MAGI2: variants seen among roughly 807,000 people sequenced by gnomAD.
MAGI2 encodes membrane-associated guanylate kinase, WW and PDZ domain-containing protein 2.
In MAGI2, 35 loss-of-function variants were observed where a neutral mutation model predicts 133.3. The ratio of observed to expected loss-of-function variants is 0.26; its 90% CI spans 0.20 to 0.35. The LOEUF is 0.35. MAGI2 is among the 10% of genes least tolerant of loss of function. The pLI, the probability that MAGI2 is intolerant of heterozygous loss-of-function variation, is 1.00. For synonymous variants in MAGI2, 729 were observed against 710.6 expected (o/e 1.03, Z -0.41); for missense variants, 1,636 against 1,863.4 (o/e 0.88, Z 2.25).
chr7:79,162,947 T>C (rs1824513959), intron 1 of MAGI2, among the ~76,000 whole-genome samples: 1 of 152,020 alleles, frequency 6.6e-6, no homozygotes, highest in Non-Finnish European at 1.5e-5. Flanking sequence ...TCCACATCCA[T>C]TCCTATCTGG....
In MAGI2 at chr7:79,249,402, GA is replaced by G. The variant is rs955151587; in HGVS notation, c.301+203617del. Among the ~76,000 whole-genome samples, 1,301 of 146,382 alleles carry G rather than the reference GA, an allele frequency of 8.9e-3. 18 individuals are homozygous for G. The highest frequency in any genetic ancestry group is 0.03 in the African/African-American group (1,207 of 40,048). On this transcript the variant is annotated intron_variant, in intron 1 of 21. Coordinates refer to ENST00000354212, the MANE Select transcript of MAGI2 (RefSeq NM_012301.4). ...ACAAAATTTTAGCGAGACTAGCTAA[GA>G]AAAAAAAAGAGAAAAAGATTTAAAT...
chr7:79,162,822 T>C (rs1824501191), intron 1 of MAGI2, among the ~76,000 whole-genome samples: 1 of 152,084 alleles, frequency 6.6e-6, no homozygotes, highest in Non-Finnish European at 1.5e-5. Flanking sequence ...AAACCAAACT[T>C]ACAGTAGCTC....
chr7:78,803,131 G>A (rs1414056769), intron 2 of MAGI2, among the ~76,000 whole-genome samples: 2 of 152,018 alleles, frequency 1.3e-5, no homozygotes, highest in African/African-American at 2.4e-5. Flanking sequence ...TTACATGTGC[G>A]ATTTGAAAAT....
At chr7:79,320,923 T>C (rs952895600) in intron 1 of MAGI2, among the ~76,000 whole-genome samples, 1 of 152,128 alleles carries the variant, frequency 6.6e-6, no homozygotes, top group Non-Finnish European at 1.5e-5. Flanking sequence ...AAAGTTCTTA[T>C]AACAAAAACT....
intron 1 of MAGI2, among the ~76,000 whole-genome samples, chr7:79,187,292 T>A (rs1444605591): frequency 2.0e-5 from 3 of 151,788 alleles, no homozygotes; most frequent in Admixed American, 2.0e-4. Context: ...AAGCAAAAGT[T>A]ATAGAGCATT....
intron 1 of MAGI2, among the ~76,000 whole-genome samples, chr7:79,256,486 C>CTCT (rs1246315146): frequency 4.2e-4 from 35 of 82,784 alleles, no homozygotes; most frequent in Non-Finnish European, 7.0e-4. Context: ...CTCTCTCTCT[C>CTCT]TTTTTTTTTT....
chr7:78,448,844 G>T (rs897493557), intron 6 of MAGI2, among the ~76,000 whole-genome samples: 3 of 152,002 alleles, frequency 2.0e-5, no homozygotes, highest in African/African-American at 7.2e-5. Context: ...AACTCAACAT[G>T]AAGAGGTTAG....
intron 2 of MAGI2, among the ~76,000 whole-genome samples, chr7:78,947,200 G>T (rs1326869703): frequency 3.9e-5 from 6 of 151,952 alleles, no homozygotes; most frequent in Non-Finnish European, 7.4e-5. Context: ...TAATAAGGAT[G>T]GAGCGTTCAC....
At chr7:79,222,949 G>A (rs1412130277) in intron 1 of MAGI2, among the ~76,000 whole-genome samples, 1 of 151,898 alleles carries the variant, frequency 6.6e-6, no homozygotes, top group Admixed American at 6.6e-5. Context: ...CAGTGGCGCT[G>A]TCTCGGCTCA....
At chr7:78,397,693 C>T (rs1796484846) in intron 6 of MAGI2, among the ~76,000 whole-genome samples, 1 of 152,052 alleles carries the variant, frequency 6.6e-6, no homozygotes, top group African/African-American at 2.4e-5. Context: ...TTACAGACTT[C>T]TAAGATTGAG....
intron 9 of MAGI2, among the ~76,000 whole-genome samples, chr7:78,339,107 T>C (rs945561731): frequency 1.3e-5 from 2 of 152,260 alleles, no homozygotes; most frequent in East Asian, 1.9e-4. Context: ...TACGTGTTTA[T>C]GGGCCTGTGG....
intron 1 of MAGI2, among the ~76,000 whole-genome samples, chr7:79,444,202 A>G (rs1848688380): frequency 6.6e-6 from 1 of 152,220 alleles, no homozygotes; most frequent in Non-Finnish European, 1.5e-5. Context: ...CCCACAGTCA[A>G]TATCATACTG....
chr7:78,039,335 C>G (rs553307884), intron 21 of MAGI2, among the ~76,000 whole-genome samples: 1 of 152,340 alleles, frequency 6.6e-6, no homozygotes, highest in African/African-American at 2.4e-5. Flanking sequence ...CAGTGTGGGG[C>G]TGGTTCTGGG....
chr7:79,321,167 C>T (rs1174286696), intron 1 of MAGI2, among the ~76,000 whole-genome samples: 1 of 152,094 alleles, frequency 6.6e-6, no homozygotes, highest in Non-Finnish European at 1.5e-5. Flanking sequence ...TTTATATTCA[C>T]TTAATAACAC....
chr7:78,526,593 G>A (rs1796973476), intron 3 of MAGI2, among the ~76,000 whole-genome samples: 1 of 152,138 alleles, frequency 6.6e-6, no homozygotes. Flanking sequence ...CAAAATAAGA[G>A]AGAAAGTCAT....
chr7:78,787,668 T>C (rs1044171707), intron 2 of MAGI2, among the ~76,000 whole-genome samples: 1 of 152,198 alleles, frequency 6.6e-6, no homozygotes, highest in African/African-American at 2.4e-5. Flanking sequence ...TAATATCACT[T>C]ATATAGTTAT....
At chr7:79,093,660 G>A (rs1047349360) in intron 1 of MAGI2, among the ~76,000 whole-genome samples, 1 of 150,448 alleles carries the variant, frequency 6.6e-6, no homozygotes, top group African/African-American at 2.5e-5. Context: ...TTTGGGTGCT[G>A]TGGCAATTTC....
At chr7:79,075,079 C>T (rs1815343234) in intron 1 of MAGI2, among the ~76,000 whole-genome samples, 1 of 152,256 alleles carries the variant, frequency 6.6e-6, no homozygotes, top group Non-Finnish European at 1.5e-5. Context: ...CCTCCCACAA[C>T]CACACTCATG....
At chr7:78,692,959 C>T (rs1347942800) in intron 2 of MAGI2, among the ~76,000 whole-genome samples, 1 of 152,114 alleles carries the variant, frequency 6.6e-6, no homozygotes, top group Non-Finnish European at 1.5e-5. Context: ...ATATTGGAAA[C>T]ATCTGGATCA....
Sources: allele counts gnomAD v4.1 joint callset (sites outside exome capture counted in the v4.1 genomes callset), GRCh38; gene constraint gnomAD v4.1.1; transcripts MANE v1.5; gene names NCBI Gene and HGNC (gene_info 2026-07-23, HGNC 2026-07-21).